The following DNAH5 variants were observed in gnomAD, a reference collection of about 807,000 sequenced individuals.
DNAH5 encodes the protein dynein axonemal heavy chain 5.
A neutral mutation model predicts 518.2 loss-of-function variants in DNAH5; 372 were observed. The observed-to-expected ratio is 0.72, with a 90% CI of 0.66 to 0.78. The LOEUF is 0.78. Among genes scored for constraint, DNAH5 ranks in the 30% least tolerant of loss-of-function variants. The pLI is 0.00. For synonymous variants in DNAH5, 2,039 were observed against 2,025.9 expected (o/e 1.01, Z -0.17); for missense variants, 5,523 against 5,687.0 (o/e 0.97, Z 0.93).
rs781725837 is a variant in DNAH5, at chr5:13,841,050, G to T, written c.5565C>A (p.Ile1855=). The T allele has an allele frequency of 9.3e-6, 15 of 1,614,120 alleles. No homozygotes were observed. In the South Asian group the frequency reaches 1.5e-4, roughly 17 times the overall value. Residue 1855 remains isoleucine (I), a synonymous_variant, in exon 34 of 79, where the codon ATC becomes ATA. Coordinates refer to ENST00000265104, the MANE Select transcript of DNAH5 (RefSeq NM_001369.3). ...GGAAAGCCTGATTAGTTTTCTGCATGATTTTTTTATCAAACTTGGCATTTC... is the reference window on the plus strand; with the variant it reads ...GGAAAGCCTGATTAGTTTTCTGCATTATTTTTTTATCAAACTTGGCATTTC... The part of the protein sequence containing the change: ...ALRNAKFDKK[I]MQKTNQAFLE...
chr5:13,739,969 T>C (rs1748191560), intron 65 of DNAH5, among the ~76,000 whole-genome samples: 1 of 152,088 alleles, frequency 6.6e-6, no homozygotes, highest in Admixed American at 6.6e-5. Flanking sequence ...CTAAGAGACT[T>C]CTCCTACTTA....
intron 1 of DNAH5, among the ~76,000 whole-genome samples, chr5:14,003,946 C>A (rs984355284): frequency 6.6e-6 from 1 of 152,310 alleles, no homozygotes; most frequent in Non-Finnish European, 1.5e-5. Flanking sequence ...ATAGGAGAGA[C>A]CCCCATGCCA....
intron 19 of DNAH5, among the ~76,000 whole-genome samples, chr5:13,883,472 A>G (rs928944234): frequency 6.6e-6 from 1 of 152,258 alleles, no homozygotes; most frequent in South Asian, 2.1e-4. Context: ...GACTATCGGC[A>G]TAAGCCAAAG....
chr5:13,771,015 G>A, intron 55 of DNAH5, 35 bp from the exon 56 acceptor site: 1 of 1,498,854 alleles, frequency 6.7e-7, no homozygotes, highest in Admixed American at 1.7e-5. Context: ...TGTGAAATAT[G>A]TATGTAAGTT....
chr5:13,985,663 C>G (rs551207110), intron 1 of DNAH5, among the ~76,000 whole-genome samples: 2 of 152,102 alleles, frequency 1.3e-5, no homozygotes, highest in South Asian at 4.2e-4. Context: ...AAGCATATAC[C>G]CCTGGCAAAA....
intron 21 of DNAH5, among the ~76,000 whole-genome samples, chr5:13,877,963 A>G (rs1336428579): frequency 6.6e-6 from 1 of 152,160 alleles, no homozygotes; most frequent in Admixed American, 6.6e-5. Context: ...TCTCTCTCAC[A>G]TCAAGTGCCC....
At chr5:13,841,263 T>C in intron 33 of DNAH5, 133 bp from the exon 34 acceptor site, 1 of 733,132 alleles carries the variant, frequency 1.4e-6, no homozygotes, top group South Asian at 1.7e-5. Context: ...GATACCTTTT[T>C]TCATAACCTA....
chr5:13,754,398 A>G (rs1750696235), intron 61 of DNAH5, 60 bp from the exon 62 acceptor site: 32 of 1,593,506 alleles, frequency 2.0e-5, no homozygotes, highest in Non-Finnish European at 2.5e-5. Flanking sequence ...CACTGGCTCA[A>G]AAATATAATT....
At chr5:13,778,596 A>G (rs6896298) in intron 53 of DNAH5, among the ~76,000 whole-genome samples, 1,797 of 102,200 alleles carry the variant, frequency 0.018, 45 homozygotes, top group African/African-American at 0.033. Context: ...GAAAGAAAGA[A>G]AGAGAGAGAG....
chr5:13,765,450 G>A (rs10462709), intron 59 of DNAH5, among the ~76,000 whole-genome samples: 16,560 of 152,210 alleles, frequency 0.11, 1,035 homozygotes, highest in East Asian at 0.32. Flanking sequence ...CTGGATAAAG[G>A]TAAGGATATA....
At chr5:13,787,439 A>G (rs1296610384) in intron 51 of DNAH5, among the ~76,000 whole-genome samples, 2 of 152,196 alleles carry the variant, frequency 1.3e-5, no homozygotes, top group African/African-American at 4.8e-5. Context: ...TTTATAACAA[A>G]TGAGATTGGT....
Position 13,754,272 on chromosome 5 carries a change from A to G in DNAH5, c.10486T>C (p.Leu3496=). ...MQTASTLISG[L]AGEKERWTEQ... ...GTCCATCTTTCTTTTTCACCTGCCA[A>G]GCCACTGATGAGCGTGGAAGCTGTC... is the stretch of plus-strand genomic sequence containing the variant. The change falls in exon 62 of 79, where the codon TTG becomes CTG. Residue 3496 remains leucine (L), a synonymous_variant. Transcript: ENST00000265104. The G allele has an allele frequency of 6.2e-7, 1 of 1,614,130 alleles. No individual in the cohort carries two copies. The highest frequency in any genetic ancestry group is 2.2e-5 in the East Asian group (1 of 44,882).
intron 47 of DNAH5, among the ~76,000 whole-genome samples, chr5:13,804,112 C>T (rs758655024): frequency 2.6e-5 from 4 of 151,830 alleles, no homozygotes; most frequent in South Asian, 2.1e-4. Flanking sequence ...AATATTAGTT[C>T]GGGGGGAAAA....
At chr5:13,876,604 G>A in intron 22 of DNAH5, 80 bp downstream of exon 22, 3 of 1,550,256 alleles carry the variant, frequency 1.9e-6, no homozygotes, top group Admixed American at 3.7e-5. Flanking sequence ...GCTACATAAA[G>A]GACAACTTTG....
chr5:13,927,968 C>G, intron 3 of DNAH5, 126 bp downstream of exon 3: 1 of 745,786 alleles, frequency 1.3e-6, no homozygotes, highest in South Asian at 1.5e-5. Context: ...CATGGACCCA[C>G]ACACGCATCT....
In DNAH5 at chr5:13,830,640, A is replaced by G. The variant is rs368456533; in HGVS notation, c.6018T>C (p.Cys2006=). Residue 2006 remains cysteine, a synonymous_variant, in exon 36 of 79, where the codon TGT becomes TGC. Coordinates refer to ENST00000265104, the MANE Select transcript of DNAH5 (RefSeq NM_001369.3). ...GTCCTCGGAAATCCATCTGGTCTGA[A>G]CAATTGAAAACCACGACGTATTTCC... is the stretch of plus-strand genomic sequence containing the variant. ...CLGKYVVVFN[C]SDQMDFRGLG... is the part of the protein sequence containing the mutation. 528 of 1,614,094 alleles carry G rather than the reference A, an allele frequency of 3.3e-4. No individual in the cohort carries two copies. The highest frequency in any genetic ancestry group is 4.4e-4 in the Non-Finnish European group (517 of 1,180,042).
intron 22 of DNAH5, 72 bp downstream of exon 22, chr5:13,876,612 T>G (rs1770922521): frequency 1.9e-6 from 3 of 1,576,300 alleles, no homozygotes; most frequent in Non-Finnish European, 2.6e-6. Flanking sequence ...AAGGACAACT[T>G]TGTGATGTTC....
Position 13,754,261 on chromosome 5 carries a change from T to C in DNAH5, c.10497A>G (p.Glu3499=). 6.2e-7 allele frequency: 1 copy of C among 1,614,130 alleles called. No individual in the cohort carries two copies. The highest frequency in any genetic ancestry group is 1.1e-5 in the South Asian group (1 of 91,084). The part of the protein sequence containing the change: ...ASTLISGLAG[E]KERWTEQSQE... ...GGCTTTGCTCTGTCCATCTTTCTTT[T>C]TCACCTGCCAAGCCACTGATGAGCG... is the stretch of plus-strand genomic sequence containing the variant. Residue 3499 remains glutamate, a synonymous_variant, in exon 62 of 79, where the codon GAA becomes GAG. Transcript: ENST00000265104.
At chr5:13,738,444 G>A (rs1051835323) in intron 65 of DNAH5, among the ~76,000 whole-genome samples, 1 of 152,176 alleles carries the variant, frequency 6.6e-6, no homozygotes, top group Admixed American at 6.5e-5. Context: ...GCAAGCAACT[G>A]AGCTGCAACT....
Sources: gnomAD v4.1 joint callset for allele counts (sites outside exome capture counted in the v4.1 genomes callset) on GRCh38, gnomAD v4.1.1 for gene constraint, MANE v1.5 for transcripts, NCBI Gene and HGNC (gene_info 2026-07-23, HGNC 2026-07-21) for gene names.